ZFHX3: variants seen among roughly 807,000 people sequenced by gnomAD.
ZFHX3 encodes zinc finger homeobox protein 3.
In ZFHX3, 42 loss-of-function variants were observed where a neutral mutation model predicts 279.1. The observed-to-expected ratio is 0.15, with a 90% CI of 0.12 to 0.19. The LOEUF (loss-of-function observed/expected upper bound fraction) is 0.19. Ranked by LOEUF, ZFHX3 falls within the 10% of genes least tolerant of loss-of-function variation. The pLI, the probability that ZFHX3 is intolerant of heterozygous loss-of-function variation, is 1.00. For missense variants in ZFHX3, 4,981 were observed against 4,754.0 expected, an observed-to-expected ratio of 1.05 and a Z score of -1.40; for synonymous variants, 2,293 against 1,957.8, an observed-to-expected ratio of 1.17 and a Z score of -4.52.
intron 4 of ZFHX3, among the ~76,000 whole-genome samples, chr16:72,850,590 T>G (rs1291364480): frequency 6.6e-6 from 1 of 151,992 alleles, no homozygotes; most frequent in African/African-American, 2.4e-5. Flanking sequence ...TGGACCATGG[T>G]AGAGCTGGAC....
chr16:73,035,477 C>T (rs1392627294), intron 1 of ZFHX3, among the ~76,000 whole-genome samples: 1 of 152,150 alleles, frequency 6.6e-6, no homozygotes, highest in Non-Finnish European at 1.5e-5. Context: ...GTACTGGCTC[C>T]CAAATGATAC....
chr16:73,555,149 G>C (rs1236540082), intron 2 of ZFHX3, among the ~76,000 whole-genome samples: 4 of 152,102 alleles, frequency 2.6e-5, no homozygotes, highest in African/African-American at 9.7e-5. Context: ...GAACATTGAA[G>C]GCAGTTCGTA....
intron 1 of ZFHX3, among the ~76,000 whole-genome samples, chr16:72,982,973 G>A (rs753735462): frequency 1.3e-5 from 2 of 152,178 alleles, no homozygotes; most frequent in African/African-American, 4.8e-5. Context: ...TGGGGGTAAC[G>A]TAAAGGGTGA....
At chr16:73,027,572 G>A (rs929631262) in intron 1 of ZFHX3, among the ~76,000 whole-genome samples, 4 of 152,152 alleles carry the variant, frequency 2.6e-5, no homozygotes, top group African/African-American at 7.2e-5. Context: ...GGTTTCATAT[G>A]CTAACTGCAG....
At chr16:72,799,882 G>C in intron 8 of ZFHX3, 145 bp downstream of exon 8, 1 of 693,496 alleles carries the variant, frequency 1.4e-6, no homozygotes, top group South Asian at 1.8e-5. Context: ...AGAGTATAAA[G>C]TAGCTGATGA....
chr16:73,653,436 A>T (rs1348309342), intron 2 of ZFHX3, among the ~76,000 whole-genome samples: 1 of 152,230 alleles, frequency 6.6e-6, no homozygotes, highest in Non-Finnish European at 1.5e-5. Context: ...AACAAAAATA[A>T]AACTAGAAAA....
At chr16:73,646,145 A>G (rs1375084456) in intron 2 of ZFHX3, among the ~76,000 whole-genome samples, 1 of 152,252 alleles carries the variant, frequency 6.6e-6, no homozygotes, top group Non-Finnish European at 1.5e-5. Context: ...AAATATATTC[A>G]TTATAACATT....
intron 8 of ZFHX3, among the ~76,000 whole-genome samples, chr16:73,077,806 T>C (rs1965903826): frequency 6.6e-6 from 1 of 150,722 alleles, no homozygotes; most frequent in African/African-American, 2.4e-5. Context: ...AAAGCCATTA[T>C]TTTTCTTTTT....
chr16:73,474,101 A>G (rs1191045537), intron 2 of ZFHX3, among the ~76,000 whole-genome samples: 1 of 152,000 alleles, frequency 6.6e-6, no homozygotes, highest in Non-Finnish European at 1.5e-5. Flanking sequence ...ACCAAAGGAA[A>G]TTCTTTGGGG....
rs990213002 is a variant in ZFHX3 at position 72,788,233 on chromosome 16, A to G, written c.10043T>C (p.Leu3348Pro). 2.5e-6 allele frequency: 4 copies of G among 1,613,762 alleles called. No individual in the cohort carries two copies. Among genetic ancestry groups the G allele is most frequent in the East Asian group, 2.2e-5 (1 of 44,870 alleles). The part of the protein sequence containing the change: ...MEGLFPYSPA[L>P]SQALMGLSPG... ...GGACAGCCCCATCAGGGCCTGCGAC[A>G]GTGCAGGGCTGTAGGGGAACAGGCC... Residue 3348 changes from leucine to proline, a missense_variant, in exon 10 of 10, where the codon CTG (leucine) becomes CCG (proline). By Grantham distance (98) the Leu-to-Pro change is moderately conservative. This residue lies in a region of ZFHX3 where 1,034 missense variants were observed against 786.0 expected (regional missense o/e 1.32). Coordinates refer to ENST00000268489, the MANE Select transcript of ZFHX3 (RefSeq NM_006885.4).
intron 2 of ZFHX3, among the ~76,000 whole-genome samples, chr16:73,501,078 C>T (rs967987453): frequency 5.9e-5 from 9 of 152,156 alleles, no homozygotes; most frequent in African/African-American, 2.2e-4. Context: ...TTGTATATAC[C>T]TTTTCTATAT....
At position 73,296,877 on chromosome 16, in the gene ZFHX3, A is replaced by ATGTTTTTTTTTTTTTTT. The variant is rs755308796; in HGVS notation, c.-1194+21362_-1194+21363insAAAAAAAAAAAAAAACA. 8.9e-4 allele frequency among the ~76,000 whole-genome samples: 103 copies of ATGTTTTTTTTTTTTTTT among 116,076 alleles called. 10 individuals are homozygous for ATGTTTTTTTTTTTTTTT. The highest frequency in any genetic ancestry group is 5.3e-3 in the Middle Eastern group (1 of 188). The allele number at this position is 116,076 out of a possible 152,430, so 76.2% of individuals were successfully genotyped here. ...TTTATAATTGCCATGTGAAGCAGGA[A>ATGTTTTTTTTTTTTTTT]TTTTTTTTTTTTTTTTTTTGAGACG... is the stretch of plus-strand genomic sequence containing the variant. On this transcript the variant is annotated intron_variant, in intron 4 of 17. Coordinates refer to the ZFHX3 transcript ENST00000641206.
intron 3 of ZFHX3, among the ~76,000 whole-genome samples, chr16:72,928,432 C>A (rs536353549): frequency 6.6e-6 from 1 of 151,942 alleles, no homozygotes; most frequent in East Asian, 1.9e-4. Context: ...GCGCCCCCAC[C>A]ACAACCCCTC....
chr16:73,307,601 A>G (rs1445516586), intron 4 of ZFHX3, among the ~76,000 whole-genome samples: 1 of 152,200 alleles, frequency 6.6e-6, no homozygotes, highest in Non-Finnish European at 1.5e-5. Flanking sequence ...CTGGAGAAAC[A>G]AGAGAAATAG....
chr16:73,345,836 T>C (rs2016113907), intron 3 of ZFHX3, among the ~76,000 whole-genome samples: 1 of 152,164 alleles, frequency 6.6e-6, no homozygotes, highest in African/African-American at 2.4e-5. Context: ...TCACCTGTGG[T>C]GCTTGGTGGT....
intron 5 of ZFHX3, among the ~76,000 whole-genome samples, chr16:73,237,014 A>T (rs2012970664): frequency 6.6e-6 from 1 of 152,168 alleles, no homozygotes; most frequent in African/African-American, 2.4e-5. Context: ...TGCTCTTCAC[A>T]CATATTACCC....
At chr16:73,210,333 T>C (rs1404512357) in intron 5 of ZFHX3, among the ~76,000 whole-genome samples, 2 of 152,132 alleles carry the variant, frequency 1.3e-5, no homozygotes, top group African/African-American at 2.4e-5. Flanking sequence ...AAACTCCATC[T>C]TTCACTTCTC....
intron 1 of ZFHX3, among the ~76,000 whole-genome samples, chr16:73,763,653 G>A (rs1217629167): frequency 6.6e-6 from 1 of 152,080 alleles, no homozygotes; most frequent in African/African-American, 2.4e-5. Context: ...GAATGGGTGT[G>A]GAACCTGTTA....
At chr16:72,883,251 CT>C (rs1412308404) in intron 4 of ZFHX3, among the ~76,000 whole-genome samples, 1 of 152,156 alleles carries the variant, frequency 6.6e-6, no homozygotes, top group Non-Finnish European at 1.5e-5. Flanking sequence ...ACCCTGAGAA[CT>C]ACTCCTATCC....
Sources: gnomAD v4.1 joint callset for allele counts (sites outside exome capture counted in the v4.1 genomes callset) on GRCh38, gnomAD v4.1.1 for gene constraint, gnomAD v4.1.1 regional missense constraint, MANE v1.5 for transcripts, NCBI Gene and HGNC (gene_info 2026-07-23, HGNC 2026-07-21) for gene names.